GLIS3: variants seen among roughly 807,000 people sequenced by gnomAD.
GLIS3 encodes zinc finger protein GLIS3.
A neutral mutation model predicts 78.6 loss-of-function variants in GLIS3; 53 were observed. The ratio of observed to expected loss-of-function variants is 0.67; its 90% CI spans 0.54 to 0.85. The LOEUF is 0.85. Ranked by LOEUF, GLIS3 falls within the 40% of genes least tolerant of loss-of-function variation. The pLI is 0.00. For missense variants in GLIS3, 1,703 were observed against 1,231.1 expected, an observed-to-expected ratio of 1.38 and a Z score of -5.74; for synonymous variants, 684 against 509.9, an observed-to-expected ratio of 1.34 and a Z score of -4.60.
intron 3 of GLIS3, among the ~76,000 whole-genome samples, chr9:4,309,521 G>A (rs1563928066): frequency 6.6e-6 from 1 of 151,882 alleles, no homozygotes; most frequent in Non-Finnish European, 1.5e-5. Flanking sequence ...AAAATAGGCT[G>A]AAAAAAGGAG....
chr9:3,942,097 T>C (rs1037073730), intron 4 of GLIS3, among the ~76,000 whole-genome samples: 12 of 152,170 alleles, frequency 7.9e-5, no homozygotes, highest in Non-Finnish European at 1.6e-4. Flanking sequence ...ATTAGTTACT[T>C]AGAGTGCTGA....
At chr9:3,980,141 TATATC>T (rs1819133957) in intron 4 of GLIS3, among the ~76,000 whole-genome samples, 1 of 152,198 alleles carries the variant, frequency 6.6e-6, no homozygotes, top group African/African-American at 2.4e-5. Context: ...ACACAGGCCC[TATATC>T]ATATTTTGTT....
At chr9:4,010,173 A>G (rs1821884454) in intron 4 of GLIS3, among the ~76,000 whole-genome samples, 1 of 152,148 alleles carries the variant, frequency 6.6e-6, no homozygotes, top group African/African-American at 2.4e-5. Flanking sequence ...ATAGCTGTCA[A>G]TGGAGAGCCA....
chr9:3,899,924 G>A (rs1040473839), intron 6 of GLIS3, among the ~76,000 whole-genome samples: 1 of 152,162 alleles, frequency 6.6e-6, no homozygotes, highest in Non-Finnish European at 1.5e-5. Flanking sequence ...AGGAATAAGG[G>A]GTGGCAGCTT....
At chr9:4,126,034 T>C (rs1279569820) in intron 2 of GLIS3, 93 bp from the exon 3 acceptor site, 5 of 951,070 alleles carry the variant, frequency 5.3e-6, no homozygotes, top group African/African-American at 3.2e-5. Context: ...GACCCATCTT[T>C]AGAGACAGTC....
chr9:4,311,558 A>G (rs1473085790), intron 2 of GLIS3, among the ~76,000 whole-genome samples: 2 of 151,554 alleles, frequency 1.3e-5, no homozygotes, highest in Non-Finnish European at 2.9e-5. Context: ...GTCAGGGCCC[A>G]CTCTCCCTCC....
chr9:4,352,448 G>C (rs1817984504), upstream of GLIS3, among the ~76,000 whole-genome samples: 1 of 152,268 alleles, frequency 6.6e-6, no homozygotes, highest in African/African-American at 2.4e-5. Context: ...GAAATACAGA[G>C]GACTAAGGCA....
At chr9:3,991,605 C>T (rs746898122) in intron 4 of GLIS3, among the ~76,000 whole-genome samples, 1 of 150,212 alleles carries the variant, frequency 6.7e-6, no homozygotes, top group Non-Finnish European at 1.5e-5. Context: ...TTTAATTATA[C>T]TTTCATATTT....
chr9:4,468,912 T>A, the GLIS3 span, among the ~76,000 whole-genome samples: 6 of 152,038 alleles, frequency 3.9e-5, no homozygotes, highest in African/African-American at 1.2e-4. Context: ...CAGAGACACA[T>A]ATAGGCTCAA....
chr9:4,011,400 T>C (rs910512355), intron 4 of GLIS3, among the ~76,000 whole-genome samples: 3 of 152,134 alleles, frequency 2.0e-5, no homozygotes, highest in Non-Finnish European at 4.4e-5. Context: ...AAAGAGAACA[T>C]AGAAATGTGT....
intron 4 of GLIS3, among the ~76,000 whole-genome samples, chr9:3,987,875 A>G (rs545805518): frequency 7.1e-4 from 108 of 151,962 alleles, no homozygotes; most frequent in African/African-American, 2.6e-3. Flanking sequence ...AACACATCAT[A>G]ATTAAAAATT....
At chr9:3,906,356 G>C (rs766019394) in intron 6 of GLIS3, among the ~76,000 whole-genome samples, 44 of 152,296 alleles carry the variant, frequency 2.9e-4, no homozygotes, top group African/African-American at 8.4e-4. Flanking sequence ...GGAACCAGAG[G>C]GGGTGAGAAG....
chr9:3,989,447 A>G (rs924386596), intron 4 of GLIS3, among the ~76,000 whole-genome samples: 24 of 152,354 alleles, frequency 1.6e-4, no homozygotes, highest in African/African-American at 5.5e-4. Flanking sequence ...GCAAATATTC[A>G]TAGCAGCTTT....
intron 4 of GLIS3, among the ~76,000 whole-genome samples, chr9:4,090,216 T>C (rs188530416): frequency 1.3e-5 from 2 of 152,186 alleles, no homozygotes; most frequent in Non-Finnish European, 2.9e-5. Flanking sequence ...GTCCTCATTA[T>C]CTTTTGGGAA....
At chr9:4,255,636 C>T (rs555350250) in intron 2 of GLIS3, among the ~76,000 whole-genome samples, 1 of 152,120 alleles carries the variant, frequency 6.6e-6, no homozygotes, top group South Asian at 2.1e-4. Flanking sequence ...CTGTATAATT[C>T]CAACTATATG....
intron 2 of GLIS3, among the ~76,000 whole-genome samples, chr9:4,264,015 T>G (rs1289280027): frequency 6.6e-6 from 1 of 152,068 alleles, no homozygotes; most frequent in African/African-American, 2.4e-5. Context: ...TATCTCTATC[T>G]CCCACTTCAC....
chr9:4,033,157 T>C lies in GLIS3; in HGVS notation c.1710+84611A>G, dbSNP rs116514209. ...TGTGAGCCACCACACCTGGCTGGAA[T>C]TGAGAATTCTTGAACTTCTCAGAGT... is the stretch of plus-strand genomic sequence containing the variant. On this transcript the variant is annotated intron_variant, in intron 4 of 10. Transcript: ENST00000381971. Among the ~76,000 whole-genome samples, 878 of 152,254 alleles carry C rather than the reference T, an allele frequency of 5.8e-3. 9 individuals carry two copies. The highest frequency in any genetic ancestry group is 0.02 in the African/African-American group (833 of 41,554).
intron 1 of GLIS3, among the ~76,000 whole-genome samples, chr9:4,296,234 C>A (rs1216670964): frequency 2.2e-5 from 3 of 138,292 alleles, no homozygotes; most frequent in Non-Finnish European, 4.6e-5. Context: ...AGAGAGACAA[C>A]AGTGGAAAGA....
chr9:4,215,494 T>C (rs1477580924), intron 2 of GLIS3, among the ~76,000 whole-genome samples: 3 of 152,226 alleles, frequency 2.0e-5, no homozygotes, highest in Non-Finnish European at 2.9e-5. Context: ...AAAATCTGTT[T>C]GGTCTTATTA....
Sources: allele counts gnomAD v4.1 joint callset (sites outside exome capture counted in the v4.1 genomes callset), GRCh38; gene constraint gnomAD v4.1.1; transcripts MANE v1.5; gene names NCBI Gene and HGNC (gene_info 2026-07-23, HGNC 2026-07-21).